HTR4: variants seen among roughly 807,000 people sequenced by gnomAD.
HTR4 encodes the protein 5-hydroxytryptamine (serotonin) receptor 4, G protein-coupled.
HTR4 carries 16 observed loss-of-function variants against 36.8 expected under a neutral mutation model. The ratio of observed to expected loss-of-function variants is 0.43; its 90% CI spans 0.29 to 0.66. The LOEUF is 0.66. Among genes scored for constraint, HTR4 ranks in the 30% least tolerant of loss-of-function variants. HTR4 has a pLI of 0.13. For synonymous variants in HTR4, 189 were observed against 185.1 expected, an observed-to-expected ratio of 1.02 and a Z score of -0.17; for missense variants, 438 against 490.9, an observed-to-expected ratio of 0.89 and a Z score of 1.02.
intron 4 of HTR4, among the ~76,000 whole-genome samples, chr5:148,539,627 A>G (rs1561605903): frequency 2.0e-5 from 3 of 152,224 alleles, no homozygotes; most frequent in Admixed American, 6.5e-5. Flanking sequence ...AAAGAGCTCA[A>G]TATCACTGAT....
At position 148,600,721 on chromosome 5, in the gene HTR4, G is replaced by A. The variant is rs535676679; in HGVS notation, c.26+36268C>T. ...CAAAAACCAGTAATGGAAGAAATTC[G>A]AGAAGGAGAAATGGAAAAGATCTTT... On this transcript the variant is annotated intron_variant, in intron 2 of 6. Coordinates refer to ENST00000377888, the MANE Select transcript of HTR4 (RefSeq NM_000870.7). Among the ~76,000 whole-genome samples the A allele has an allele frequency of 3.3e-5, 5 of 151,866 alleles. No homozygotes were observed. The South Asian group carries it at 8.3e-4, about 25-fold the overall frequency.
chr5:148,614,933 C>G (rs1301883847), intron 2 of HTR4, among the ~76,000 whole-genome samples: 84 of 152,068 alleles, frequency 5.5e-4, no homozygotes, highest in African/African-American at 1.1e-3. Context: ...TGAAAAAATG[C>G]TCACCATCAC....
intron 5 of HTR4, among the ~76,000 whole-genome samples, chr5:148,459,489 C>G (rs1250696300): frequency 6.6e-6 from 1 of 152,086 alleles, no homozygotes; most frequent in East Asian, 1.9e-4. Flanking sequence ...ATATCCAACT[C>G]CAGCCCCCTT....
At chr5:148,525,795 C>A in intron 4 of HTR4, among the ~76,000 whole-genome samples, 1 of 152,142 alleles carries the variant, frequency 6.6e-6, no homozygotes. Context: ...ATGTTGAATT[C>A]CCAACTCTCA....
chr5:148,477,745 T>C (rs1755744188), downstream of HTR4, among the ~76,000 whole-genome samples: 1 of 152,240 alleles, frequency 6.6e-6, no homozygotes, highest in Non-Finnish European at 1.5e-5. Flanking sequence ...CTTATTTCTC[T>C]GATCCCATCT....
At chr5:148,451,405 A>G (rs2113682102) in intron 5 of HTR4, 1 of 1,467,958 alleles carries the variant, frequency 6.8e-7, no homozygotes, top group East Asian at 2.3e-5. Flanking sequence ...GGGAGTGGGG[A>G]TGGGGTGATA....
intron 2 of HTR4, among the ~76,000 whole-genome samples, chr5:148,620,211 C>G (rs913116871): frequency 1.3e-5 from 2 of 152,208 alleles, no homozygotes; most frequent in Admixed American, 1.3e-4. Flanking sequence ...GAGGTTGAAC[C>G]ATCTGTGCTG....
intron 2 of HTR4, among the ~76,000 whole-genome samples, chr5:148,561,702 CAT>C (rs1760221412): frequency 6.6e-6 from 1 of 151,788 alleles, no homozygotes; most frequent in Admixed American, 6.6e-5. Context: ...GGGTAAAACA[CAT>C]GACATGTTTT....
At chr5:148,491,145 C>T (rs556705297) in intron 6 of HTR4, among the ~76,000 whole-genome samples, 13 of 152,094 alleles carry the variant, frequency 8.5e-5, no homozygotes, top group Non-Finnish European at 1.3e-4. Flanking sequence ...TGAACAGCTG[C>T]TCTGACTAAA....
intron 2 of HTR4, among the ~76,000 whole-genome samples, chr5:148,590,287 C>CTTT (rs779077579): frequency 5.4e-4 from 18 of 33,334 alleles, no homozygotes; most frequent in African/African-American, 8.1e-4. Flanking sequence ...TTTTTCTTTT[C>CTTT]TTTTTTTTTT....
In HTR4 at chr5:148,467,833, G is replaced by C. The variant is rs183837378; in HGVS notation, c.1077-16561C>G. Among the ~76,000 whole-genome samples the C allele has an allele frequency of 3.9e-5, 6 of 152,224 alleles. No homozygotes were observed. In the East Asian group the frequency reaches 9.6e-4, roughly 24 times the overall value. ...CATACAGAGATTGTCACTTACATTT[G>C]TATTGCAAACCATAATTGTACAAAG... is the stretch of plus-strand genomic sequence containing the variant. On this transcript the variant is annotated intron_variant, in intron 5 of 5. Transcript: ENST00000521530.
downstream of HTR4, among the ~76,000 whole-genome samples, chr5:148,481,102 T>A (rs1189970221): frequency 6.6e-6 from 1 of 152,184 alleles, no homozygotes; most frequent in Admixed American, 6.5e-5. Flanking sequence ...TGGGTGGGTG[T>A]GTGGGCAGCC....
At chr5:148,529,640 G>A (rs1561599501) in intron 4 of HTR4, among the ~76,000 whole-genome samples, 1 of 152,144 alleles carries the variant, frequency 6.6e-6, no homozygotes, top group Non-Finnish European at 1.5e-5. Flanking sequence ...ACAGTAAATT[G>A]GTACCAGGAG....
At chr5:148,466,840 T>C (rs11742110) in intron 5 of HTR4, among the ~76,000 whole-genome samples, 59,692 of 152,108 alleles carry the variant, frequency 0.39, 12,546 homozygotes, top group East Asian at 0.7. Context: ...TTTTCTTCCT[T>C]CAACTTGATT....
chr5:148,547,297 CT>C (rs1160800061), intron 4 of HTR4, among the ~76,000 whole-genome samples: 1 of 152,050 alleles, frequency 6.6e-6, no homozygotes, highest in East Asian at 1.9e-4. Context: ...CAGTCAACTA[CT>C]TTTCCTAGTC....
At position 148,482,988 on chromosome 5, in the gene HTR4, A is replaced by G. The variant is rs1755959807; in HGVS notation, c.*215T>C. The G allele has an allele frequency of 3.5e-6, 5 of 1,419,408 alleles. No homozygotes were observed. In the African/African-American group the frequency reaches 4.3e-5, roughly 12 times the overall value. The allele number at this position is 1,419,408 out of a possible 1,614,324, so 87.9% of individuals were successfully genotyped here. ...TGGGAAGAGGGAGTGTTGGGAAATA[A>G]AAAGTGAACAAGGAGGCCATTATGT... is the stretch of plus-strand genomic sequence containing the variant. On this transcript the variant is annotated 3_prime_UTR_variant, in exon 7 of 7. Transcript: ENST00000377888.
At chr5:148,634,147 T>G (rs1753439456) in intron 2 of HTR4, among the ~76,000 whole-genome samples, 1 of 152,168 alleles carries the variant, frequency 6.6e-6, no homozygotes, top group African/African-American at 2.4e-5. Context: ...TCTTGACATC[T>G]GGGGAAAATT....
chr5:148,476,938 A>G (rs897710322), downstream of HTR4, among the ~76,000 whole-genome samples: 3 of 152,208 alleles, frequency 2.0e-5, no homozygotes, highest in Non-Finnish European at 4.4e-5. Flanking sequence ...TGCCAGGGGA[A>G]TCATGCCCAG....
At chr5:148,556,789 G>A (rs1388367367) in intron 2 of HTR4, among the ~76,000 whole-genome samples, 2 of 152,178 alleles carry the variant, frequency 1.3e-5, no homozygotes, top group Non-Finnish European at 2.9e-5. Context: ...CTGAGTCACA[G>A]GTGGAGTAGC....
Sources: gnomAD v4.1 joint callset for allele counts (sites outside exome capture counted in the v4.1 genomes callset) on GRCh38, gnomAD v4.1.1 for gene constraint, MANE v1.5 for transcripts, NCBI Gene and HGNC (gene_info 2026-07-23, HGNC 2026-07-21) for gene names.